Variants in PALS1 observed in about 807,000 individuals in gnomAD.
PALS1 encodes protein associated with LIN7 1, MAGUK p55 family member.
A neutral mutation model predicts 78.9 loss-of-function variants in PALS1; 31 were observed. The observed-to-expected ratio is 0.39, with a 90% CI of 0.30 to 0.53. The LOEUF (loss-of-function observed/expected upper bound fraction) is 0.53, where lower values mean the gene tolerates loss of function less well. Ranked by LOEUF, PALS1 falls within the 20% of genes least tolerant of loss-of-function variation. The pLI is 0.67. For synonymous variants in PALS1, 276 were observed against 270.9 expected (o/e 1.02, Z -0.18); for missense variants, 704 against 826.5 (o/e 0.85, Z 1.82).
At chr14:67,298,359 A>C (rs1244128107) in intron 4 of PALS1, among the ~76,000 whole-genome samples, 1 of 151,892 alleles carries the variant, frequency 6.6e-6, no homozygotes, top group Non-Finnish European at 1.5e-5. Context: ...ACTAAAAATA[A>C]AAAAAACTAG....
chr14:67,313,905 A>G (rs947745061), intron 9 of PALS1, among the ~76,000 whole-genome samples: 4 of 152,054 alleles, frequency 2.6e-5, no homozygotes, highest in African/African-American at 9.7e-5. Flanking sequence ...TTTGTTTTAA[A>G]TCCAGATAAT....
chr14:67,273,323 C>G (rs2084444011), intron 2 of PALS1, among the ~76,000 whole-genome samples: 1 of 148,356 alleles, frequency 6.7e-6, no homozygotes, highest in Non-Finnish European at 1.5e-5. Context: ...CACCCTGTGT[C>G]CAAGTGTTCT....
At chr14:67,323,026 T>G (rs923817574) in intron 13 of PALS1, among the ~76,000 whole-genome samples, 9 of 152,160 alleles carry the variant, frequency 5.9e-5, no homozygotes, top group African/African-American at 2.2e-4. Flanking sequence ...ACTTGTATGA[T>G]TCTAATTGCT....
chr14:67,319,268 C>T (rs1355314193), intron 11 of PALS1, among the ~76,000 whole-genome samples: 2 of 152,132 alleles, frequency 1.3e-5, no homozygotes, highest in Non-Finnish European at 2.9e-5. Flanking sequence ...TGCTCCTTCA[C>T]AGTCAGGAGA....
intron 9 of PALS1, among the ~76,000 whole-genome samples, chr14:67,314,632 C>T (rs192853434): frequency 1.6e-4 from 24 of 152,226 alleles, no homozygotes; most frequent in Admixed American, 6.5e-4. Context: ...CCTACCATGC[C>T]GAACTTTAGC....
intron 1 of PALS1, among the ~76,000 whole-genome samples, chr14:67,258,151 T>C (rs978507222): frequency 6.6e-6 from 1 of 151,946 alleles, no homozygotes; most frequent in African/African-American, 2.4e-5. Context: ...TAGATAGCAG[T>C]GTGCAGGGTT....
intron 5 of PALS1, 147 bp from the exon 6 acceptor site, chr14:67,301,825 T>C (rs145759030): frequency 2.2e-6 from 2 of 928,048 alleles, no homozygotes; most frequent in Non-Finnish European, 3.0e-6. Context: ...GCCCTTAGTA[T>C]ACTTAACACA....
rs1355820433 is a variant in PALS1 at position 67,334,733 on chromosome 14, A to G, written c.*1777A>G. 1 of 152,250 alleles carries G rather than the reference A, an allele frequency of 6.6e-6. No homozygotes were observed. The highest frequency in any genetic ancestry group is 1.5e-5 in the Non-Finnish European group (1 of 68,036). The allele number at this position is 152,250 out of a possible 1,614,324, so 9.4% of individuals were successfully genotyped here. ...ACACTACTGTCTCTTCAGATCTGAA[A>G]TACTCCAGTTTAGAGCCAGGAAATT... On this transcript the variant is annotated 3_prime_UTR_variant, in exon 15 of 15. Coordinates refer to ENST00000261681, the MANE Select transcript of PALS1 (RefSeq NM_022474.4).
Position 67,312,515 on chromosome 14 carries a change from T to G in PALS1, c.1042-12T>G. The G allele has an allele frequency of 1.3e-6, 2 of 1,514,312 alleles. No homozygotes were observed. Among genetic ancestry groups the G allele is most frequent in the Non-Finnish European group, 1.8e-6 (2 of 1,125,230 alleles). 93.8% of individuals were successfully genotyped at this position (1,514,312 alleles called of 1,614,324 possible). A position where few individuals can be genotyped will look rare whatever the true frequency, so the allele number is the denominator to read the frequency against. ...GCCATTTATTGTTGTTTTTGCCCTT[T>G]TTATCTTTTAGATCCATGTAAAAGC... On this transcript the variant is annotated splice_polypyrimidine_tract_variant and intron_variant, in intron 8 of 14. Transcript: ENST00000261681.
At chr14:67,254,955 C>T (rs1034914469) in intron 1 of PALS1, among the ~76,000 whole-genome samples, 2 of 152,182 alleles carry the variant, frequency 1.3e-5, no homozygotes, top group African/African-American at 4.8e-5. Context: ...TTGAGACCAT[C>T]CTAGCCAACA....
intron 1 of PALS1, among the ~76,000 whole-genome samples, chr14:67,244,988 A>G (rs1408628031): frequency 6.6e-6 from 1 of 152,224 alleles, no homozygotes; most frequent in South Asian, 2.1e-4. Flanking sequence ...ACAATTGGTC[A>G]GAGAAGTGCA....
At chr14:67,286,972 C>T (rs2084700288) in intron 3 of PALS1, among the ~76,000 whole-genome samples, 1 of 152,038 alleles carries the variant, frequency 6.6e-6, no homozygotes, top group African/African-American at 2.4e-5. Flanking sequence ...AATCTCAGCA[C>T]TTTGGGAGGC....
intron 8 of PALS1, among the ~76,000 whole-genome samples, chr14:67,311,037 C>T (rs528906602): frequency 6.6e-6 from 1 of 152,184 alleles, no homozygotes; most frequent in South Asian, 2.1e-4. Flanking sequence ...TAAGGCCAGG[C>T]GTGGTGGCTC....
intron 1 of PALS1, chr14:67,241,751 C>G (rs1567493268): frequency 6.6e-6 from 1 of 152,146 alleles, no homozygotes. Flanking sequence ...CGGAGCAACG[C>G]TGCCTGCGCG....
At chr14:67,283,678 G>A (rs1320844003) in intron 3 of PALS1, among the ~76,000 whole-genome samples, 3 of 152,088 alleles carry the variant, frequency 2.0e-5, no homozygotes, top group African/African-American at 7.2e-5. Flanking sequence ...GGGATCATTT[G>A]AGAATTCTGT....
chr14:67,288,183 G>A (rs544828256), intron 3 of PALS1, among the ~76,000 whole-genome samples: 1 of 152,112 alleles, frequency 6.6e-6, no homozygotes, highest in African/African-American at 2.4e-5. Context: ...AGGTTCAAGC[G>A]ATTCTCCTGC....
intron 3 of PALS1, 88 bp from the exon 4 acceptor site, chr14:67,292,423 T>TA: frequency 1.1e-6 from 1 of 876,166 alleles, no homozygotes; most frequent in Non-Finnish European, 1.8e-6. Flanking sequence ...CTTAAATTGT[T>TA]ACTGGTTCAA....
Position 67,333,039 on chromosome 14 carries a change from TGAGGATAAGATG to T in PALS1, c.*86_*97del. 1 of 1,250,766 alleles carries T rather than the reference TGAGGATAAGATG, an allele frequency of 8.0e-7. No homozygotes were observed. Among genetic ancestry groups the T allele is most frequent in the South Asian group, 1.4e-5 (1 of 71,044 alleles). The allele number at this position is 1,250,766 out of a possible 1,614,324, so 77.5% of individuals were successfully genotyped here. A position where few individuals can be genotyped will look rare whatever the true frequency, so the allele number is the denominator to read the frequency against. On this transcript the variant is annotated 3_prime_UTR_variant, in exon 15 of 15. Coordinates refer to ENST00000261681, the MANE Select transcript of PALS1 (RefSeq NM_022474.4). The stretch of plus-strand genomic sequence containing the variant: ...GGACTGCCCGACACTGCAGCAAGAT[TGAGGATAAGATG>T]GAAGGCAGCAGTATAAGCTGTAGAT...
intron 1 of PALS1, among the ~76,000 whole-genome samples, chr14:67,252,191 A>T (rs1356375217): frequency 1.3e-5 from 2 of 151,992 alleles, no homozygotes; most frequent in African/African-American, 2.4e-5. Flanking sequence ...TTATTTATTT[A>T]TTTTTTGTTT....
Sources: allele counts gnomAD v4.1 joint callset (sites outside exome capture counted in the v4.1 genomes callset), GRCh38; gene constraint gnomAD v4.1.1; transcripts MANE v1.5; gene names NCBI Gene and HGNC (gene_info 2026-07-23, HGNC 2026-07-21).